The following MMP26 variants were observed in gnomAD, a reference collection of about 807,000 sequenced individuals.
MMP26 encodes matrix metalloproteinase-26.
MMP26 carries 33 observed loss-of-function variants against 31.0 expected under a neutral mutation model. The observed-to-expected ratio is 1.06, with a 90% CI of 0.81 to 1.42. MMP26 has a LOEUF of 1.42. Among genes scored for constraint, MMP26 ranks in the 40% most tolerant of loss-of-function variants. The pLI, the probability that MMP26 is intolerant of heterozygous loss-of-function variation, is 0.00. For synonymous variants in MMP26, 122 were observed against 114.9 expected (o/e 1.06, Z -0.40); for missense variants, 347 against 316.1 (o/e 1.10, Z -0.74).
intron 2 of MMP26, chr11:4,908,074 G>A: frequency 6.2e-7 from 1 of 1,614,166 alleles, no homozygotes; most frequent in South Asian, 1.1e-5. Context: ...AGAGGCTTAA[G>A]GCCCTAAATA....
intron 2 of MMP26, among the ~76,000 whole-genome samples, chr11:4,879,121 A>C (rs140183623): frequency 0.036 from 5,540 of 151,994 alleles, 348 homozygotes; most frequent in African/African-American, 0.13. Flanking sequence ...GTAATCCCAG[A>C]TACTGGGGAG....
chr11:4,769,352 A>C, intron 2 of MMP26: 1 of 1,613,810 alleles, frequency 6.2e-7, no homozygotes. Context: ...TGAACATGCT[A>C]ATTGAATCAC....
At chr11:4,923,610 C>T (rs1463981214) in intron 2 of MMP26, 3 of 1,614,030 alleles carry the variant, frequency 1.9e-6, no homozygotes, top group African/African-American at 1.3e-5. Flanking sequence ...ATATGAGAGA[C>T]ACAGGTGTTG....
At chr11:4,946,167 T>A in intron 2 of MMP26, 2 of 1,613,756 alleles carry the variant, frequency 1.2e-6, no homozygotes, top group Non-Finnish European at 8.5e-7. Flanking sequence ...TGTTAAATCT[T>A]CCGTTGACAC....
chr11:4,714,851 G>T (rs572574463), intron 1 of MMP26, among the ~76,000 whole-genome samples: 3 of 151,176 alleles, frequency 2.0e-5, no homozygotes, highest in South Asian at 2.1e-4. Flanking sequence ...GCACATAAAA[G>T]TTAACCCTCC....
rs1006988135 is a variant in MMP26, at chr11:4,867,145, C to A, written c.-145+99804C>A. On this transcript the variant is annotated intron_variant, in intron 2 of 7. Coordinates refer to ENST00000380390, the MANE Select transcript of MMP26 (RefSeq NM_021801.5). Reference sequence around the variant, plus strand: ...AGAAACTATCAACAGAGAAAATAGACAACATACAGAAAAGGAGAAAACTTT... The same window carrying A: ...AGAAACTATCAACAGAGAAAATAGAAAACATACAGAAAAGGAGAAAACTTT... Among the ~76,000 whole-genome samples, 14 of 151,994 alleles carry A rather than the reference C, an allele frequency of 9.2e-5. 1 individual carries two copies. The highest frequency in any genetic ancestry group is 3.3e-4 in the Admixed American group (5 of 15,264).
chr11:4,898,831 C>CTG lies in MMP26; in HGVS notation c.-144-89193_-144-89192dup, dbSNP rs1157500335. On this transcript the variant is annotated intron_variant, in intron 2 of 7. Coordinates refer to ENST00000380390, the MANE Select transcript of MMP26 (RefSeq NM_021801.5). ...GAAATCTCTCTCTCTCTCTCTCTCT[C>CTG]TGTGTGTGTGTGTGTGTGTGTGTGT... 8.5e-3 allele frequency among the ~76,000 whole-genome samples: 798 copies of CTG among 94,220 alleles called. 6 individuals carry two copies. Among genetic ancestry groups the CTG allele is most frequent in the Non-Finnish European group, 0.013 (610 of 46,618 alleles). 61.8% of individuals were successfully genotyped at this position (94,220 alleles called of 152,430 possible). A position where few individuals can be genotyped will look rare whatever the true frequency, so the allele number is the denominator to read the frequency against.
intron 2 of MMP26, chr11:4,907,332 G>C (rs751220231): frequency 7.2e-7 from 1 of 1,396,406 alleles, no homozygotes; most frequent in Non-Finnish European, 1.0e-6. Context: ...CATTTATATG[G>C]TTTCAGATCC....
intron 2 of MMP26, among the ~76,000 whole-genome samples, chr11:4,937,066 G>C (rs1359402094): frequency 6.6e-6 from 1 of 152,064 alleles, no homozygotes; most frequent in Non-Finnish European, 1.5e-5. Flanking sequence ...TCTTATTATT[G>C]TATTGGCATA....
chr11:4,756,123 C>T (rs10836579), intron 1 of MMP26, among the ~76,000 whole-genome samples: 15,208 of 151,760 alleles, frequency 0.1, 846 homozygotes, highest in Middle Eastern at 0.23. Context: ...GGAAAAATGT[C>T]AAAATAATAA....
chr11:4,991,873 G>C (rs1490713685), intron 6 of MMP26, 91 bp from the exon 7 acceptor site: 8 of 1,218,588 alleles, frequency 6.6e-6, no homozygotes, highest in Non-Finnish European at 8.9e-6. Flanking sequence ...CTCGTTTTCT[G>C]TTCTCTCCTT....
chr11:4,822,219 T>C (rs764645650), intron 2 of MMP26: 4 of 1,587,358 alleles, frequency 2.5e-6, no homozygotes. Flanking sequence ...TCCATCGCTA[T>C]GGCCATTCAG....
chr11:4,944,238 A>C, intron 2 of MMP26: 1 of 353,802 alleles, frequency 2.8e-6, no homozygotes. Context: ...TGAATTTAAA[A>C]ACTAAAATGT....
At chr11:4,909,364 G>A (rs893739642) in intron 2 of MMP26, 2 of 152,164 alleles carry the variant, frequency 1.3e-5, no homozygotes, top group African/African-American at 4.8e-5. Context: ...TCTAAGGTAA[G>A]AGTGTTGTAA....
chr11:4,797,884 T>C (rs4910527), intron 2 of MMP26, among the ~76,000 whole-genome samples: 56,034 of 151,978 alleles, frequency 0.37, 11,405 homozygotes, highest in African/African-American at 0.52. Flanking sequence ...TGCTTATTTG[T>C]TTGCTTGTTT....
At chr11:4,802,063 A>G (rs910137536) in intron 2 of MMP26, among the ~76,000 whole-genome samples, 1 of 152,204 alleles carries the variant, frequency 6.6e-6, no homozygotes, top group African/African-American at 2.4e-5. Flanking sequence ...CATATGCTTT[A>G]TATTTTGGAC....
chr11:4,985,063 G>T (rs1343990435), intron 2 of MMP26, among the ~76,000 whole-genome samples: 1 of 152,004 alleles, frequency 6.6e-6, no homozygotes. Context: ...TTAGGTTTTT[G>T]AATGTATTCA....
chr11:4,720,481 C>T (rs1847995561), intron 1 of MMP26, among the ~76,000 whole-genome samples: 1 of 152,096 alleles, frequency 6.6e-6, no homozygotes, highest in South Asian at 2.1e-4. Flanking sequence ...ATAGAAATCA[C>T]ACCAGTGACT....
intron 2 of MMP26, among the ~76,000 whole-genome samples, chr11:4,897,324 G>C (rs1458170509): frequency 6.6e-6 from 1 of 152,080 alleles, no homozygotes; most frequent in Non-Finnish European, 1.5e-5. Flanking sequence ...ATTTTTAGTA[G>C]AGACAAGGTT....
Sources: gnomAD v4.1 joint callset for allele counts (sites outside exome capture counted in the v4.1 genomes callset) on GRCh38, gnomAD v4.1.1 for gene constraint, MANE v1.5 for transcripts, NCBI Gene and HGNC (gene_info 2026-07-23, HGNC 2026-07-21) for gene names.